KHDRBS2: variants seen among roughly 807,000 people sequenced by gnomAD.
The protein encoded by KHDRBS2 is KH RNA binding domain containing, signal transduction associated 2, also known as KH domain-containing, RNA-binding, signal transduction-associated protein 2.
Under a neutral mutation model 44.3 loss-of-function variants are expected in KHDRBS2, and 26 were observed. The observed-to-expected ratio is 0.59, with a 90% CI of 0.43 to 0.81. KHDRBS2 has a LOEUF of 0.81. Among genes scored for constraint, KHDRBS2 ranks in the 40% least tolerant of loss-of-function variants. The pLI is 0.00. For synonymous variants in KHDRBS2, 194 were observed against 151.1 expected, an observed-to-expected ratio of 1.28 and a Z score of -2.08; for missense variants, 476 against 433.1, an observed-to-expected ratio of 1.10 and a Z score of -0.88.
intron 1 of KHDRBS2, among the ~76,000 whole-genome samples, chr6:62,223,965 C>T (rs1831329763): frequency 6.6e-6 from 1 of 152,184 alleles, no homozygotes; most frequent in African/African-American, 2.4e-5. Context: ...TTCAAAACCT[C>T]TTCCTGTTAC....
At chr6:62,181,855 G>C (rs1223700502) in intron 1 of KHDRBS2, among the ~76,000 whole-genome samples, 1 of 151,908 alleles carries the variant, frequency 6.6e-6, no homozygotes, top group Non-Finnish European at 1.5e-5. Flanking sequence ...TCCACCATGG[G>C]AACACAGCTA....
At chr6:61,633,548 A>T in the KHDRBS2 span, among the ~76,000 whole-genome samples, 1 of 152,062 alleles carries the variant, frequency 6.6e-6, no homozygotes, top group African/African-American at 2.4e-5. Context: ...AAGTGCTCAT[A>T]TCTACAGTAG....
intron 4 of KHDRBS2, among the ~76,000 whole-genome samples, chr6:61,975,747 T>C (rs1472173740): frequency 1.3e-5 from 2 of 151,780 alleles, no homozygotes; most frequent in African/African-American, 2.4e-5. Context: ...GACTAAGGTA[T>C]AATGGAACAA....
chr6:61,909,567 C>A (rs1259174149), intron 4 of KHDRBS2, among the ~76,000 whole-genome samples: 1 of 152,116 alleles, frequency 6.6e-6, no homozygotes, highest in Non-Finnish European at 1.5e-5. Context: ...CCATGAAATT[C>A]ATGACTGCTC....
the KHDRBS2 span, among the ~76,000 whole-genome samples, chr6:61,581,818 C>T: frequency 2.0e-5 from 3 of 151,190 alleles, no homozygotes; most frequent in East Asian, 1.9e-4. Context: ...AAGAGATATG[C>T]AGATAGCTTT....
At chr6:61,803,733 A>T (rs542011884) in intron 6 of KHDRBS2, among the ~76,000 whole-genome samples, 1 of 152,276 alleles carries the variant, frequency 6.6e-6, no homozygotes, top group Admixed American at 6.5e-5. Context: ...CAGGAAACTT[A>T]CAATCATGGC....
At chr6:62,283,450 T>C (rs991076453) in intron 1 of KHDRBS2, among the ~76,000 whole-genome samples, 2 of 152,146 alleles carry the variant, frequency 1.3e-5, no homozygotes, top group African/African-American at 4.8e-5. Flanking sequence ...TGCCTTTATA[T>C]ATATTAGCTT....
the KHDRBS2 span, among the ~76,000 whole-genome samples, chr6:61,643,925 T>C: frequency 6.6e-6 from 1 of 152,092 alleles, no homozygotes; most frequent in Non-Finnish European, 1.5e-5. Context: ...AAACTACCAA[T>C]GACATTCTTC....
At position 61,949,659 on chromosome 6, in the gene KHDRBS2, C is replaced by A. The variant is rs1054253843; in HGVS notation, c.483+28407G>T. On this transcript the variant is annotated intron_variant, in intron 4 of 8. Coordinates refer to ENST00000281156, the MANE Select transcript of KHDRBS2 (RefSeq NM_152688.4). ...ATTTTATCTAAATCCATTAAATTTA[C>A]TATCCATTGTAATTTTATTTATAGA... is the stretch of plus-strand genomic sequence containing the variant. Among the ~76,000 whole-genome samples the A allele has an allele frequency of 2.6e-5, 4 of 151,858 alleles. No homozygotes were observed. The South Asian group carries it at 8.3e-4, about 31-fold the overall frequency.
At chr6:61,825,135 T>A (rs1211456019) in intron 6 of KHDRBS2, among the ~76,000 whole-genome samples, 2 of 152,132 alleles carry the variant, frequency 1.3e-5, no homozygotes, top group African/African-American at 4.8e-5. Flanking sequence ...GACAAAAGCA[T>A]GTAGAAAAAG....
At chr6:61,611,499 G>A in the KHDRBS2 span, among the ~76,000 whole-genome samples, 14 of 152,150 alleles carry the variant, frequency 9.2e-5, no homozygotes, top group Non-Finnish European at 2.1e-4. Context: ...TTAAATTTAA[G>A]TTTTATCTCC....
chr6:62,138,368 G>A (rs1812031147), intron 2 of KHDRBS2, among the ~76,000 whole-genome samples: 1 of 152,086 alleles, frequency 6.6e-6, no homozygotes, highest in South Asian at 2.1e-4. Context: ...AGCCAATATT[G>A]TTAAGAGCCA....
Position 62,177,189 on chromosome 6 carries a change from G to A in KHDRBS2, c.215C>T (p.Pro72Leu). The A allele has an allele frequency of 6.4e-7, 1 of 1,562,510 alleles. No individual in the cohort carries two copies. The highest frequency in any genetic ancestry group is 2.3e-5 in the East Asian group (1 of 44,372). ...ACAAAGTATATATGGTAGTACCTTT[G>A]GATACTGCTTGACAGGAATCAGTAC... Reference protein sequence around the residue: ...ERVLIPVKQYPKFNFVGKLLG... With the variant: ...ERVLIPVKQYLKFNFVGKLLG... Residue 72 changes from proline (P) to leucine (L), a missense_variant, in exon 2 of 9, where the codon CCA becomes CTA. By Grantham distance (98) the Pro-to-Leu change is moderately conservative. Coordinates refer to ENST00000281156, the MANE Select transcript of KHDRBS2 (RefSeq NM_152688.4).
intron 7 of KHDRBS2, among the ~76,000 whole-genome samples, chr6:61,717,931 T>C (rs1771719233): frequency 6.6e-6 from 1 of 152,122 alleles, no homozygotes; most frequent in South Asian, 2.1e-4. Flanking sequence ...TAGTATCTGT[T>C]GGTCTTTATG....
intron 2 of KHDRBS2, among the ~76,000 whole-genome samples, chr6:62,055,420 G>A (rs1049270138): frequency 9.2e-5 from 14 of 152,012 alleles, no homozygotes; most frequent in African/African-American, 3.4e-4. Context: ...TGACTATGAA[G>A]AGGTCAGACA....
At chr6:62,001,195 G>A (rs1159887076) in intron 3 of KHDRBS2, among the ~76,000 whole-genome samples, 2 of 152,150 alleles carry the variant, frequency 1.3e-5, no homozygotes, top group Non-Finnish European at 2.9e-5. Flanking sequence ...TAAAGAATAT[G>A]CAAATTAGGT....
In KHDRBS2 at chr6:62,176,880, G is replaced by T. The variant is rs563701397; in HGVS notation, c.219+305C>A. Among the ~76,000 whole-genome samples, 5 of 151,274 alleles carry T rather than the reference G, an allele frequency of 3.3e-5. No individual in the cohort carries two copies. In the East Asian group the frequency reaches 7.7e-4, roughly 23 times the overall value. The stretch of plus-strand genomic sequence containing the variant: ...GATATACATTTTAACATGAACCAAA[G>T]ATAATCAAGTGGGTGTACATATTTG... On this transcript the variant is annotated intron_variant, in intron 2 of 8. Transcript: ENST00000281156.
At chr6:61,590,075 T>G in the KHDRBS2 span, among the ~76,000 whole-genome samples, 1 of 152,140 alleles carries the variant, frequency 6.6e-6, no homozygotes, top group Non-Finnish European at 1.5e-5. Flanking sequence ...GAAACAAATA[T>G]TAGATGAGGA....
chr6:61,815,094 A>T (rs1295342643), intron 6 of KHDRBS2, among the ~76,000 whole-genome samples: 1 of 145,698 alleles, frequency 6.9e-6, no homozygotes, highest in African/African-American at 2.5e-5. Flanking sequence ...ACAACCACTC[A>T]TTTTTTTTTT....
Sources: allele counts gnomAD v4.1 joint callset (sites outside exome capture counted in the v4.1 genomes callset), GRCh38; gene constraint gnomAD v4.1.1; transcripts MANE v1.5; gene names NCBI Gene and HGNC (gene_info 2026-07-23, HGNC 2026-07-21).